PTPRN2: variants seen among roughly 807,000 people sequenced by gnomAD.
The protein encoded by PTPRN2 is receptor-type tyrosine-protein phosphatase N2.
Under a neutral mutation model 118.8 loss-of-function variants are expected in PTPRN2, and 74 were observed. The observed-to-expected ratio is 0.62, with a 90% CI of 0.52 to 0.76. PTPRN2 has a LOEUF of 0.76. Among genes scored for constraint, PTPRN2 ranks in the 30% least tolerant of loss-of-function variants. The probability of loss-of-function intolerance (pLI) is 0.00; values close to 1 mark genes in which losing one functional copy is unlikely to be tolerated. For synonymous variants in PTPRN2, 641 were observed against 608.0 expected (o/e 1.05, Z -0.80); for missense variants, 1,481 against 1,394.4 (o/e 1.06, Z -0.99).
At chr7:158,145,823 G>A (rs1241893713) in intron 6 of PTPRN2, among the ~76,000 whole-genome samples, 1 of 152,146 alleles carries the variant, frequency 6.6e-6, no homozygotes, top group Admixed American at 6.5e-5. Context: ...GCCCTGCCCT[G>A]GGGGATGCCA....
intron 10 of PTPRN2, 101 bp from the exon 11 acceptor site, chr7:158,081,478 A>G: frequency 1.7e-6 from 2 of 1,148,596 alleles, no homozygotes; most frequent in Non-Finnish European, 2.6e-6. Flanking sequence ...TAAAAACGCA[A>G]ACATCCAAGG....
At chr7:157,730,127 C>T (rs79631902) in intron 12 of PTPRN2, among the ~76,000 whole-genome samples, 1 of 152,160 alleles carries the variant, frequency 6.6e-6, no homozygotes, top group East Asian at 1.9e-4. Context: ...CAGAGCCTGG[C>T]AATTCTGGGT....
At chr7:158,471,555 G>GC (rs1563332923) in intron 2 of PTPRN2, among the ~76,000 whole-genome samples, 1 of 152,144 alleles carries the variant, frequency 6.6e-6, no homozygotes. Context: ...GGGTGTGGTG[G>GC]CAGGTGCCTG....
chr7:157,604,432 T>C (rs1801883495), intron 15 of PTPRN2, among the ~76,000 whole-genome samples: 1 of 152,212 alleles, frequency 6.6e-6, no homozygotes, highest in Non-Finnish European at 1.5e-5. Flanking sequence ...CTCAGCAGAA[T>C]GGAGATATCC....
At chr7:158,365,885 C>A (rs1358928878) in intron 2 of PTPRN2, among the ~76,000 whole-genome samples, 2 of 133,766 alleles carry the variant, frequency 1.5e-5, no homozygotes, top group Non-Finnish European at 3.1e-5. Context: ...GAAGCCGCAG[C>A]CCAATGCACG....
In PTPRN2 at chr7:157,541,560, C is replaced by T. The variant is rs144606569; in HGVS notation, c.2977-775G>A. 3.8e-4 allele frequency among the ~76,000 whole-genome samples: 58 copies of T among 152,378 alleles called. 1 individual carries two copies. The highest frequency in any genetic ancestry group is 1.3e-3 in the African/African-American group (52 of 41,598). On this transcript the variant is annotated intron_variant, in intron 22 of 22. Coordinates refer to ENST00000389418, the MANE Select transcript of PTPRN2 (RefSeq NM_002847.5). ...CCCACAGATGAGGTGGATAAATGCT[C>T]ATTTCCTCTTGCTCTTCAGTTTCCA...
Position 157,804,095 on chromosome 7 carries a change from T to C in PTPRN2, c.1788+94578A>G, listed in dbSNP as rs543132504. Reference sequence around the variant, plus strand: ...ATTAAAGAGGATCTTATGGGAAATTTAAAAATTGCACAGTAAGGGATTCCT... The same window carrying C: ...ATTAAAGAGGATCTTATGGGAAATTCAAAAATTGCACAGTAAGGGATTCCT... On this transcript the variant is annotated intron_variant, in intron 12 of 22. Transcript: ENST00000389418. 9.2e-5 allele frequency among the ~76,000 whole-genome samples: 14 copies of C among 152,360 alleles called. No homozygotes were observed. In the South Asian group the frequency reaches 2.7e-3, roughly 29 times the overall value.
chr7:158,232,939 C>T (rs1056281372), intron 3 of PTPRN2, among the ~76,000 whole-genome samples: 6 of 152,016 alleles, frequency 3.9e-5, no homozygotes, highest in Non-Finnish European at 4.4e-5. Context: ...AAATAATAAA[C>T]GCTATATATG....
At chr7:158,315,714 G>A (rs1448580968) in intron 3 of PTPRN2, among the ~76,000 whole-genome samples, 5 of 152,252 alleles carry the variant, frequency 3.3e-5, no homozygotes, top group African/African-American at 7.2e-5. Flanking sequence ...GGGACTCGGA[G>A]AGAATATGGT....
intron 14 of PTPRN2, among the ~76,000 whole-genome samples, chr7:157,634,314 C>T (rs1804162792): frequency 6.6e-6 from 1 of 152,158 alleles, no homozygotes; most frequent in Admixed American, 6.5e-5. Context: ...AAATTCTATC[C>T]ACAACTCTGA....
chr7:157,604,782 G>GC (rs1034586683), intron 15 of PTPRN2, among the ~76,000 whole-genome samples: 5 of 152,260 alleles, frequency 3.3e-5, no homozygotes, highest in African/African-American at 1.2e-4. Flanking sequence ...GCCGGGCGCA[G>GC]CGGGGGGACA....
At chr7:158,144,349 A>G (rs970051588) in intron 6 of PTPRN2, among the ~76,000 whole-genome samples, 2 of 152,188 alleles carry the variant, frequency 1.3e-5, no homozygotes, top group Admixed American at 1.3e-4. Flanking sequence ...AAGAGAAAGC[A>G]GACATCAGCC....
chr7:158,385,362 T>C (rs1234881487), intron 2 of PTPRN2, among the ~76,000 whole-genome samples: 1 of 152,212 alleles, frequency 6.6e-6, no homozygotes, highest in Non-Finnish European at 1.5e-5. Flanking sequence ...ATTTCAGATT[T>C]TGAAAGGATT....
chr7:158,385,216 A>C (rs1033015083), intron 2 of PTPRN2, among the ~76,000 whole-genome samples: 3 of 152,214 alleles, frequency 2.0e-5, no homozygotes, highest in Admixed American at 6.5e-5. Flanking sequence ...TGTGAGTCCC[A>C]CTGTAACAAA....
intron 3 of PTPRN2, among the ~76,000 whole-genome samples, chr7:158,273,190 G>A (rs1048260351): frequency 1.3e-5 from 2 of 152,178 alleles, no homozygotes; most frequent in African/African-American, 4.8e-5. Flanking sequence ...ACCCTCCTAG[G>A]ACAGGGCACG....
intron 12 of PTPRN2, among the ~76,000 whole-genome samples, chr7:157,768,821 G>A (rs1040354409): frequency 2.0e-5 from 3 of 152,168 alleles, no homozygotes; most frequent in African/African-American, 4.8e-5. Flanking sequence ...ACAAGTGATT[G>A]GGGTGTTTTG....
At chr7:158,348,823 C>T (rs1295896463) in intron 2 of PTPRN2, among the ~76,000 whole-genome samples, 1 of 152,196 alleles carries the variant, frequency 6.6e-6, no homozygotes, top group Admixed American at 6.5e-5. Context: ...GGACAGATTC[C>T]ATCATTACCC....
At chr7:157,811,332 T>TTATATATATTTATATATA (rs1554455382) in intron 12 of PTPRN2, among the ~76,000 whole-genome samples, 6 of 131,290 alleles carry the variant, frequency 4.6e-5, no homozygotes, top group African/African-American at 1.7e-4. Flanking sequence ...ATCTACTCTA[T>TTATATATATTTATATATA]TATATATATA....
intron 17 of PTPRN2, among the ~76,000 whole-genome samples, chr7:157,586,849 G>A (rs568765592): frequency 5.2e-4 from 79 of 152,364 alleles, no homozygotes; most frequent in African/African-American, 1.8e-3. Context: ...GCTGGGGGCC[G>A]TGAACCAGCT....
Sources: gnomAD v4.1 joint callset for allele counts (sites outside exome capture counted in the v4.1 genomes callset) on GRCh38, gnomAD v4.1.1 for gene constraint, MANE v1.5 for transcripts, NCBI Gene and HGNC (gene_info 2026-07-23, HGNC 2026-07-21) for gene names.